The following EFCAB8 variants were observed in gnomAD, a reference collection of about 807,000 sequenced individuals.
EFCAB8 encodes EF-hand calcium binding domain 8.
EFCAB8 carries 100 observed loss-of-function variants against 116.3 expected under a neutral mutation model. That is an observed-to-expected ratio of 0.86 (90% CI 0.73 to 1.02). EFCAB8 has a LOEUF of 1.02. Ranked by LOEUF, EFCAB8 falls within the 50% of genes least tolerant of loss-of-function variation. The pLI, the probability that EFCAB8 is intolerant of heterozygous loss-of-function variation, is 0.00. For synonymous variants in EFCAB8, 558 were observed against 567.9 expected, an observed-to-expected ratio of 0.98 and a Z score of 0.25; for missense variants, 1,320 against 1,416.9, an observed-to-expected ratio of 0.93 and a Z score of 1.10.
Position 32,931,355 on chromosome 20 carries a change from A to C in EFCAB8, c.2790+19A>C, listed in dbSNP as rs753060587. On this transcript the variant is annotated intron_variant, in intron 22 of 26. Transcript: ENST00000400522. ...TAAAGAGGTAGGAGGATTACTGGAG[A>C]GTTGCTCAGGAAAGTGCCTTTGAGC... 20 of 1,520,622 alleles carry C rather than the reference A, an allele frequency of 1.3e-5. No homozygotes were observed. The South Asian group carries it at 2.3e-4, about 18-fold the overall frequency. 94.2% of individuals were successfully genotyped at this position (1,520,622 alleles called of 1,614,324 possible).
At chr20:32,918,960 A>G (rs993568487) in intron 19 of EFCAB8, among the ~76,000 whole-genome samples, 2 of 152,168 alleles carry the variant, frequency 1.3e-5, no homozygotes, top group African/African-American at 4.8e-5. Context: ...ATGGGGTCTC[A>G]CCTGCTTGGA....
At chr20:32,957,234 G>A (rs1473751815) in intron 23 of EFCAB8, among the ~76,000 whole-genome samples, 1 of 151,422 alleles carries the variant, frequency 6.6e-6, no homozygotes, top group Non-Finnish European at 1.5e-5. Flanking sequence ...TGAATCTTCT[G>A]GAGGGCCCAC....
In EFCAB8 at chr20:32,911,584, C is replaced by CA; in HGVS notation, c.1662_1663insA (p.Ala555SerfsTer6). 1 of 1,548,618 alleles carries CA rather than the reference C, an allele frequency of 6.5e-7. No homozygotes were observed. The highest frequency in any genetic ancestry group is 2.4e-5 in the East Asian group (1 of 40,854). On this transcript the variant is annotated frameshift_variant, in exon 16 of 27. Coordinates refer to ENST00000400522, the MANE Select transcript of EFCAB8 (RefSeq NM_001143967.2). LOFTEE classifies it high-confidence loss of function. ...CTGGGGGCCAGCACGTGGAGATGACCGCCATGGCCCTGGATGAGTCAGAGC... is the reference window on the plus strand; with the variant it reads ...CTGGGGGCCAGCACGTGGAGATGACCAGCCATGGCCCTGGATGAGTCAGAGC...
chr20:32,895,477 C>T (rs1363690101), intron 9 of EFCAB8, among the ~76,000 whole-genome samples: 2 of 151,532 alleles, frequency 1.3e-5, no homozygotes, highest in Non-Finnish European at 2.9e-5. Context: ...GGCACGCCAC[C>T]ACCACTTCTG....
intron 2 of EFCAB8, 145 bp from the exon 3 acceptor site, chr20:32,867,437 A>C: frequency 3.3e-6 from 3 of 907,994 alleles, no homozygotes; most frequent in South Asian, 1.9e-5. Flanking sequence ...AAAAATGGTT[A>C]AGAATTCTGT....
At chr20:32,945,411 T>G (rs930124729) in intron 23 of EFCAB8, among the ~76,000 whole-genome samples, 2 of 152,156 alleles carry the variant, frequency 1.3e-5, no homozygotes, top group Admixed American at 1.3e-4. Flanking sequence ...CCACCTAAGC[T>G]TCCCAAAGTG....
chr20:32,954,990 C>T (rs915453443), intron 23 of EFCAB8, among the ~76,000 whole-genome samples: 1 of 119,100 alleles, frequency 8.4e-6, no homozygotes, highest in Non-Finnish European at 1.7e-5. Flanking sequence ...TGCCCAAAAC[C>T]TTCTTGGTCC....
At chr20:32,916,473 G>T (rs1388683367) in intron 17 of EFCAB8, among the ~76,000 whole-genome samples, 1 of 151,942 alleles carries the variant, frequency 6.6e-6, no homozygotes, top group Non-Finnish European at 1.5e-5. Flanking sequence ...TGCCCAAGCT[G>T]GTCTTGAACT....
rs932650712 is a variant in EFCAB8, at chr20:32,922,591, G to A, written c.2412+2376G>A. ...GAGGACAATGGAGGACAAGAAAGCCGGGAAGATGGCAGGGAGAACAGACAT... is the reference window on the plus strand; with the variant it reads ...GAGGACAATGGAGGACAAGAAAGCCAGGAAGATGGCAGGGAGAACAGACAT... On this transcript the variant is annotated intron_variant, in intron 20 of 26. Transcript: ENST00000400522. Among the ~76,000 whole-genome samples, 87 of 152,184 alleles carry A rather than the reference G, an allele frequency of 5.7e-4. 2 individuals carry two copies. The highest frequency in any genetic ancestry group is 5.9e-5 in the Non-Finnish European group (4 of 68,032).
chr20:32,867,524 A>G, intron 2 of EFCAB8, 58 bp from the exon 3 acceptor site: 5 of 1,518,050 alleles, frequency 3.3e-6, no homozygotes. Context: ...TGTGCTGAAA[A>G]TGTTTGGCTC....
At chr20:32,934,132 C>T (rs1988016107) in intron 22 of EFCAB8, among the ~76,000 whole-genome samples, 1 of 151,948 alleles carries the variant, frequency 6.6e-6, no homozygotes, top group Non-Finnish European at 1.5e-5. Context: ...GTGTGAGCCA[C>T]CGTGCCCAGC....
chr20:32,917,032 T>G (rs557258545), intron 17 of EFCAB8: 117 of 430,440 alleles, frequency 2.7e-4, no homozygotes, highest in African/African-American at 2.1e-3. Flanking sequence ...CCTTAATCCT[T>G]ACCTAGGTGT....
intron 13 of EFCAB8, 136 bp downstream of exon 13, chr20:32,907,130 G>T: frequency 7.0e-7 from 1 of 1,423,752 alleles, no homozygotes; most frequent in South Asian, 1.5e-5. Flanking sequence ...TGGGAGGAAG[G>T]TGAGGGTGGC....
At chr20:32,956,442 A>C (rs1004466627) in intron 23 of EFCAB8, among the ~76,000 whole-genome samples, 14 of 152,258 alleles carry the variant, frequency 9.2e-5, no homozygotes, top group Non-Finnish European at 1.3e-4. Context: ...GCCACTAATA[A>C]ATTCTCAGAT....
chr20:32,861,876 C>T (rs1600350739), intron 1 of EFCAB8, among the ~76,000 whole-genome samples: 1 of 152,142 alleles, frequency 6.6e-6, no homozygotes, highest in East Asian at 1.9e-4. Context: ...CTTTTTTATG[C>T]ATGTGCCAAT....
chr20:32,914,495 A>G (rs1680304700), intron 17 of EFCAB8, among the ~76,000 whole-genome samples: 1 of 152,210 alleles, frequency 6.6e-6, no homozygotes, highest in Non-Finnish European at 1.5e-5. Context: ...ACACTGCTAT[A>G]AAGAATGCCT....
chr20:32,913,071 G>A (rs1288059431), intron 17 of EFCAB8, among the ~76,000 whole-genome samples: 1 of 152,180 alleles, frequency 6.6e-6, no homozygotes, highest in Non-Finnish European at 1.5e-5. Context: ...CTAGGTGCCT[G>A]GGATGGGTAT....
Position 32,960,117 on chromosome 20 carries a change from A to G in EFCAB8, c.3349A>G (p.Arg1117Gly). The G allele has an allele frequency of 6.4e-7, 1 of 1,551,720 alleles. No homozygotes were observed. The highest frequency in any genetic ancestry group is 8.7e-7 in the Non-Finnish European group (1 of 1,146,994). Residue 1117 changes from arginine (R) to glycine (G), a missense_variant, in exon 26 of 27, where the codon AGG becomes GGG. By Grantham distance (125) the Arg-to-Gly change is moderately radical (BLOSUM62 -2). Coordinates refer to ENST00000400522, the MANE Select transcript of EFCAB8 (RefSeq NM_001143967.2). ...YKPKERLQNT[R>G]FLSTRVPYGW... is the part of the protein sequence containing the mutation. ...GCCCAAGGAACGCTTGCAGAATACC[A>G]GGTTCCTGTCCACCAGGGTGCCATA...
intron 23 of EFCAB8, among the ~76,000 whole-genome samples, chr20:32,949,475 G>T (rs1433527719): frequency 1.3e-5 from 2 of 152,180 alleles, no homozygotes; most frequent in Admixed American, 1.3e-4. Context: ...AAGATGAAGG[G>T]CTAACATTGC....
Sources: gnomAD v4.1 joint callset for allele counts (sites outside exome capture counted in the v4.1 genomes callset) on GRCh38, gnomAD v4.1.1 for gene constraint, MANE v1.5 for transcripts, NCBI Gene and HGNC (gene_info 2026-07-23, HGNC 2026-07-21) for gene names.